CNTNAP2: variants seen among roughly 807,000 people sequenced by gnomAD.
CNTNAP2 encodes contactin associated protein 2, also known as contactin-associated protein-like 2.
In CNTNAP2, 98 loss-of-function variants were observed where a neutral mutation model predicts 155.2. The observed-to-expected ratio is 0.63, with a 90% CI of 0.54 to 0.75. CNTNAP2 has a LOEUF of 0.75. CNTNAP2 is among the 30% of genes least tolerant of loss of function. CNTNAP2 has a pLI of 0.00. For missense variants in CNTNAP2, 1,727 were observed against 1,688.1 expected, an observed-to-expected ratio of 1.02 and a Z score of -0.40; for synonymous variants, 651 against 631.2, an observed-to-expected ratio of 1.03 and a Z score of -0.47.
At chr7:147,799,507 G>T (rs538937995) in intron 13 of CNTNAP2, among the ~76,000 whole-genome samples, 20 of 152,130 alleles carry the variant, frequency 1.3e-4, no homozygotes, top group African/African-American at 4.8e-4. Flanking sequence ...TAAGCTATTT[G>T]TTATGTCTAC....
intron 1 of CNTNAP2, among the ~76,000 whole-genome samples, chr7:146,608,860 G>A (rs1799089291): frequency 6.6e-6 from 1 of 151,976 alleles, no homozygotes; most frequent in South Asian, 2.1e-4. Flanking sequence ...TCAGCAACAT[G>A]TAGTGTACAT....
At chr7:147,106,318 G>A (rs994450147) in intron 4 of CNTNAP2, among the ~76,000 whole-genome samples, 3 of 151,924 alleles carry the variant, frequency 2.0e-5, no homozygotes, top group East Asian at 1.9e-4. Context: ...TGGATTATAC[G>A]TTCTCCTTTA....
At chr7:147,656,392 GAT>G (rs1183378230) in intron 13 of CNTNAP2, among the ~76,000 whole-genome samples, 3 of 152,194 alleles carry the variant, frequency 2.0e-5, no homozygotes, top group South Asian at 2.1e-4. Context: ...TAAGCTTAAT[GAT>G]GTCTAGCTTT....
At chr7:146,976,871 C>G (rs1303033846) in intron 3 of CNTNAP2, among the ~76,000 whole-genome samples, 2 of 152,156 alleles carry the variant, frequency 1.3e-5, no homozygotes, top group East Asian at 3.9e-4. Flanking sequence ...TCTTCTCTCC[C>G]AGGAATGGGG....
At chr7:147,023,786 G>C (rs1798855210) in intron 3 of CNTNAP2, among the ~76,000 whole-genome samples, 1 of 152,150 alleles carries the variant, frequency 6.6e-6, no homozygotes, top group Admixed American at 6.5e-5. Context: ...GTCACCACTG[G>C]AGATGTAATT....
intron 12 of CNTNAP2, among the ~76,000 whole-genome samples, chr7:147,583,908 G>T (rs1453810300): frequency 1.3e-5 from 2 of 152,008 alleles, no homozygotes; most frequent in African/African-American, 2.4e-5. Context: ...CGGTGGCATG[G>T]GTGTCTCTTC....
At chr7:147,705,926 A>C (rs1264034263) in intron 13 of CNTNAP2, among the ~76,000 whole-genome samples, 2 of 151,530 alleles carry the variant, frequency 1.3e-5, no homozygotes, top group African/African-American at 2.4e-5. Context: ...CTCTGCTTTC[A>C]GTCTGTGTCT....
At chr7:147,991,007 C>T (rs2116881545) in intron 15 of CNTNAP2, among the ~76,000 whole-genome samples, 1 of 152,252 alleles carries the variant, frequency 6.6e-6, no homozygotes, top group South Asian at 2.1e-4. Context: ...CACCTAGGGG[C>T]CCACCATGAG....
chr7:146,678,924 CTT>C (rs922606628), intron 1 of CNTNAP2, among the ~76,000 whole-genome samples: 4 of 152,124 alleles, frequency 2.6e-5, no homozygotes, highest in Non-Finnish European at 5.9e-5. Context: ...TTTTCTAACA[CTT>C]ATAAAATTTA....
chr7:146,901,598 G>A (rs895991966), intron 3 of CNTNAP2, among the ~76,000 whole-genome samples: 5 of 152,110 alleles, frequency 3.3e-5, no homozygotes, highest in African/African-American at 1.2e-4. Flanking sequence ...CTCTGTTCTA[G>A]ATTCCTTATG....
At chr7:146,959,713 C>CAA (rs1176908836) in intron 3 of CNTNAP2, among the ~76,000 whole-genome samples, 3 of 90,388 alleles carry the variant, frequency 3.3e-5, no homozygotes, top group Admixed American at 1.3e-4. Flanking sequence ...CAGCGAGTCT[C>CAA]AAAAAAAAAA....
At chr7:147,209,488 T>C (rs985229310) in intron 8 of CNTNAP2, among the ~76,000 whole-genome samples, 3 of 152,060 alleles carry the variant, frequency 2.0e-5, no homozygotes, top group African/African-American at 7.2e-5. Context: ...TAGGAGACTT[T>C]AGGCAGAGTC....
At chr7:146,937,839 A>G (rs984388871) in intron 3 of CNTNAP2, among the ~76,000 whole-genome samples, 1 of 152,242 alleles carries the variant, frequency 6.6e-6, no homozygotes, top group African/African-American at 2.4e-5. Flanking sequence ...CACAGGTTAC[A>G]AAGACTAAAA....
At chr7:147,815,835 G>T (rs567787781) in intron 13 of CNTNAP2, among the ~76,000 whole-genome samples, 12 of 152,264 alleles carry the variant, frequency 7.9e-5, no homozygotes, top group African/African-American at 2.9e-4. Flanking sequence ...GACCACCAGG[G>T]CTCCGCGGGC....
At position 147,136,777 on chromosome 7, in the gene CNTNAP2, A is replaced by G. The variant is rs1284491729; in HGVS notation, c.1348+4268A>G. ...ACTTGCCCCATGAGACATCCTTTTC[A>G]TCATATGAGAAAAAAGGTCTCATTT... On this transcript the variant is annotated intron_variant, in intron 8 of 23. Transcript: ENST00000361727. Among the ~76,000 whole-genome samples the G allele has an allele frequency of 3.3e-5, 5 of 151,978 alleles. No individual in the cohort carries two copies. The East Asian group carries it at 9.7e-4, about 29-fold the overall frequency.
At chr7:146,943,643 A>G (rs1242668277) in intron 3 of CNTNAP2, among the ~76,000 whole-genome samples, 5 of 152,200 alleles carry the variant, frequency 3.3e-5, no homozygotes, top group Admixed American at 2.0e-4. Context: ...GCTTCTGTCT[A>G]TGGTACATAT....
chr7:148,011,537 A>G (rs986093343), intron 15 of CNTNAP2, among the ~76,000 whole-genome samples: 1 of 151,978 alleles, frequency 6.6e-6, no homozygotes, highest in Non-Finnish European at 1.5e-5. Flanking sequence ...ACAGTGGCTT[A>G]TTTCCTCATC....
chr7:146,451,132 C>G (rs1236133610), intron 1 of CNTNAP2, among the ~76,000 whole-genome samples: 1 of 151,928 alleles, frequency 6.6e-6, no homozygotes, highest in African/African-American at 2.4e-5. Flanking sequence ...ATTTTTAGTA[C>G]AGACGGGGTT....
At chr7:146,398,083 G>T (rs1301632230) in intron 1 of CNTNAP2, among the ~76,000 whole-genome samples, 3 of 151,420 alleles carry the variant, frequency 2.0e-5, no homozygotes, top group African/African-American at 7.3e-5. Flanking sequence ...TGTTGCCCAG[G>T]ATGGTCTTGA....
Sources: gnomAD v4.1 joint callset for allele counts (sites outside exome capture counted in the v4.1 genomes callset) on GRCh38, gnomAD v4.1.1 for gene constraint, MANE v1.5 for transcripts, NCBI Gene and HGNC (gene_info 2026-07-23, HGNC 2026-07-21) for gene names.